MAPRE2: variants seen among roughly 807,000 people sequenced by gnomAD.
MAPRE2 encodes the protein microtubule-associated protein RP/EB family member 2.
Under a neutral mutation model 43.2 loss-of-function variants are expected in MAPRE2, and 13 were observed. The ratio of observed to expected loss-of-function variants is 0.30; its 90% CI spans 0.20 to 0.48. The LOEUF (loss-of-function observed/expected upper bound fraction) is 0.48. Among genes scored for constraint, MAPRE2 ranks in the 20% least tolerant of loss-of-function variants. The pLI, the probability that MAPRE2 is intolerant of heterozygous loss-of-function variation, is 0.99. For synonymous variants in MAPRE2, 135 were observed against 148.8 expected, an observed-to-expected ratio of 0.91 and a Z score of 0.68; for missense variants, 161 against 400.2, an observed-to-expected ratio of 0.40 and a Z score of 5.10.
intron 5 of MAPRE2, among the ~76,000 whole-genome samples, chr18:35,131,464 C>T (rs1910139558): frequency 6.6e-6 from 1 of 152,148 alleles, no homozygotes; most frequent in African/African-American, 2.4e-5. Flanking sequence ...GTAGATTCAG[C>T]GTCTGCTTGA....
At chr18:35,111,595 G>T in intron 4 of MAPRE2, among the ~76,000 whole-genome samples, 1 of 152,194 alleles carries the variant, frequency 6.6e-6, no homozygotes, top group East Asian at 1.9e-4. Flanking sequence ...AACTCAATTA[G>T]AGTCCAAGGG....
At chr18:35,060,922 T>C (rs1011473053) in intron 1 of MAPRE2, among the ~76,000 whole-genome samples, 2 of 151,756 alleles carry the variant, frequency 1.3e-5, no homozygotes, top group African/African-American at 4.9e-5. Context: ...ATTCTGTTGG[T>C]TTTTTTTCTT....
At chr18:35,133,943 G>A (rs974741047) in intron 6 of MAPRE2, among the ~76,000 whole-genome samples, 1 of 152,144 alleles carries the variant, frequency 6.6e-6, no homozygotes, top group African/African-American at 2.4e-5. Context: ...CCACCATCTG[G>A]ATTCAGAGAG....
chr18:35,129,472 G>GGC (rs1228919464), intron 5 of MAPRE2, among the ~76,000 whole-genome samples: 6 of 152,136 alleles, frequency 3.9e-5, no homozygotes, highest in African/African-American at 1.4e-4. Flanking sequence ...CATTTTCTCA[G>GGC]GCAATTTCCC....
At position 35,091,729 on chromosome 18, in the gene MAPRE2, T is replaced by TA. The variant is rs561272015; in HGVS notation, c.251-5703dup. Among the ~76,000 whole-genome samples, 1,323 of 143,868 alleles carry TA rather than the reference T, an allele frequency of 9.2e-3. 12 individuals carry two copies. Among genetic ancestry groups the TA allele is most frequent in the South Asian group, 0.029 (132 of 4,532 alleles). 94.4% of individuals were successfully genotyped at this position (143,868 alleles called of 152,430 possible). ...CCCACTCTCCCACGGCATCTGTATT[T>TA]AAAAAAAAAAAAAATACTGAGGCAT... On this transcript the variant is annotated intron_variant, in intron 2 of 6. Coordinates refer to ENST00000300249, the MANE Select transcript of MAPRE2 (RefSeq NM_014268.4).
At chr18:35,137,603 T>C (rs998481355) in intron 6 of MAPRE2, among the ~76,000 whole-genome samples, 17 of 152,322 alleles carry the variant, frequency 1.1e-4, no homozygotes, top group South Asian at 1.0e-3. Flanking sequence ...AAGCATACTT[T>C]AGACCAGCTG....
At chr18:35,041,281 G>C, upstream of MAPRE2, 2 of 1,370,930 alleles carry the variant, frequency 1.5e-6, no homozygotes, top group Non-Finnish European at 1.9e-6. Flanking sequence ...TGTGCGAATT[G>C]AGGCGAGGTG....
intron 2 of MAPRE2, among the ~76,000 whole-genome samples, chr18:35,092,279 A>G (rs1333114762): frequency 6.6e-6 from 1 of 152,198 alleles, no homozygotes; most frequent in Non-Finnish European, 1.5e-5. Context: ...TACATAGAAC[A>G]ATCCAACAGA....
chr18:35,071,195 A>G (rs762884480), intron 2 of MAPRE2, among the ~76,000 whole-genome samples: 18 of 152,172 alleles, frequency 1.2e-4, no homozygotes, highest in African/African-American at 4.1e-4. Context: ...TTTGACTTCA[A>G]TGACAAAATA....
rs954119792 is a variant in MAPRE2, at chr18:35,130,876, G to A, written c.751-1156G>A. On this transcript the variant is annotated intron_variant, in intron 5 of 6. Transcript: ENST00000300249. ...AGGGTTTCTTTAGCTCTGGGTGTCCGAGTTCTTGGACCCTCTTTTGACCAC... is the reference window on the plus strand; with the variant it reads ...AGGGTTTCTTTAGCTCTGGGTGTCCAAGTTCTTGGACCCTCTTTTGACCAC... Among the ~76,000 whole-genome samples, 8 of 152,240 alleles carry A rather than the reference G, an allele frequency of 5.3e-5. No homozygotes were observed. In the East Asian group the frequency reaches 5.8e-4, roughly 11 times the overall value.
At chr18:35,051,476 T>G (rs1223613995) in intron 1 of MAPRE2, among the ~76,000 whole-genome samples, 1 of 152,234 alleles carries the variant, frequency 6.6e-6, no homozygotes, top group Non-Finnish European at 1.5e-5. Context: ...ACAATGACTT[T>G]AAGATGTCAG....
At chr18:34,985,096 T>G (rs1167566277) in intron 1 of MAPRE2, among the ~76,000 whole-genome samples, 1 of 88,348 alleles carries the variant, frequency 1.1e-5, no homozygotes, top group African/African-American at 4.7e-5. Context: ...ATATATATTA[T>G]ATAATATATA....
intron 5 of MAPRE2, chr18:35,127,342 C>T: frequency 4.9e-6 from 2 of 409,258 alleles, no homozygotes; most frequent in Non-Finnish European, 9.0e-6. Flanking sequence ...CTTCAGGCTA[C>T]CTTCCCCTCC....
intron 1 of MAPRE2, among the ~76,000 whole-genome samples, chr18:34,983,086 A>G (rs538878198): frequency 2.6e-5 from 4 of 152,300 alleles, no homozygotes; most frequent in East Asian, 3.9e-4. Context: ...CCTCTGATTT[A>G]CCCCAGTTTA....
chr18:35,029,975 T>C (rs1434038063), intron 2 of MAPRE2, among the ~76,000 whole-genome samples: 2 of 152,220 alleles, frequency 1.3e-5, no homozygotes, highest in Non-Finnish European at 2.9e-5. Context: ...TGCAGTTTCC[T>C]TTCCCTCCAG....
At chr18:35,047,384 C>T (rs975744970) in intron 1 of MAPRE2, among the ~76,000 whole-genome samples, 3 of 152,120 alleles carry the variant, frequency 2.0e-5, no homozygotes, top group Non-Finnish European at 4.4e-5. Flanking sequence ...CTTTTTCTTT[C>T]TAACACTCCA....
chr18:35,096,426 G>A (rs1377742279), intron 2 of MAPRE2, among the ~76,000 whole-genome samples: 1 of 152,200 alleles, frequency 6.6e-6, no homozygotes, highest in East Asian at 1.9e-4. Context: ...ATACTAGTAA[G>A]AAGATATGAA....
intron 1 of MAPRE2, among the ~76,000 whole-genome samples, chr18:34,977,867 G>T (rs1438383094): frequency 6.6e-6 from 1 of 152,210 alleles, no homozygotes; most frequent in East Asian, 1.9e-4. Context: ...CCCACAAAGA[G>T]CCAGGAGAGG....
At chr18:35,002,289 TG>T (rs2150579198) in intron 1 of MAPRE2, among the ~76,000 whole-genome samples, 1 of 152,340 alleles carries the variant, frequency 6.6e-6, no homozygotes, top group South Asian at 2.1e-4. Context: ...TTCTTATTGC[TG>T]GGTAGTATTC....
Sources: allele counts gnomAD v4.1 joint callset (sites outside exome capture counted in the v4.1 genomes callset), GRCh38; gene constraint gnomAD v4.1.1; transcripts MANE v1.5; gene names NCBI Gene and HGNC (gene_info 2026-07-23, HGNC 2026-07-21).